The following SEMA3F variants were observed in gnomAD, a reference collection of about 807,000 sequenced individuals.
SEMA3F encodes the protein semaphorin-3F.
A neutral mutation model predicts 98.5 loss-of-function variants in SEMA3F; 30 were observed. That is an observed-to-expected ratio of 0.30 (90% CI 0.23 to 0.41). The LOEUF is 0.41. SEMA3F is among the 10% of genes least tolerant of loss of function. SEMA3F has a pLI of 1.00. For synonymous variants in SEMA3F, 380 were observed against 444.8 expected, an observed-to-expected ratio of 0.85 and a Z score of 1.83; for missense variants, 866 against 1,119.3, an observed-to-expected ratio of 0.77 and a Z score of 3.23.
At chr3:50,186,576 G>C (rs774504642) in intron 17 of SEMA3F, 37 bp from the exon 18 acceptor site, 13 of 1,572,762 alleles carry the variant, frequency 8.3e-6, no homozygotes, top group Non-Finnish European at 1.0e-5. Context: ...CTGCCCGGAG[G>C]TGATGCTGCT....
intron 2 of SEMA3F, among the ~76,000 whole-genome samples, chr3:50,169,430 C>T (rs575092641): frequency 5.9e-5 from 9 of 152,246 alleles, no homozygotes; most frequent in Admixed American, 4.6e-4. Flanking sequence ...GGAATGGCTG[C>T]GGAAATGAGG....
Position 50,182,462 on chromosome 3 carries a change from C to A in SEMA3F, c.763+59C>A. ...TGTGTCTGGGATGCGGCAAGGAGGT[C>A]GTAAAGAAGCACATGTGGGGGAAGT... On this transcript the variant is annotated intron_variant, in intron 8 of 18. Coordinates refer to ENST00000002829, the MANE Select transcript of SEMA3F (RefSeq NM_004186.5). The surrounding 1 kb of genome is among the most constrained non-coding windows in gnomAD (Gnocchi z 4.5). The A allele has an allele frequency of 6.2e-7, 1 of 1,606,368 alleles. No individual in the cohort carries two copies. Among genetic ancestry groups the A allele is most frequent in the Non-Finnish European group, 8.5e-7 (1 of 1,177,766 alleles).
chr3:50,173,828 T>G lies in SEMA3F; in HGVS notation c.148T>G (p.Phe50Val). ...KATGTAHFFN[F>V]LLNTTDYRIL... ...CACAGGCACCGCCCACTTCTTCAAC[T>G]TCCTGCTCAACACAACCGACTACCG... Residue 50 changes from phenylalanine (F) to valine (V), a missense_variant, in exon 3 of 19, where the codon TTC becomes GTC. This residue lies in a region of SEMA3F where 247 missense variants were observed against 276.0 expected (regional missense o/e 0.89). Transcript: ENST00000002829. 6.2e-7 allele frequency: 1 copy of G among 1,614,078 alleles called. No individual in the cohort carries two copies. Among genetic ancestry groups the G allele is most frequent in the Non-Finnish European group, 8.5e-7 (1 of 1,180,022 alleles).
chr3:50,165,158 T>G (rs1412418924), intron 2 of SEMA3F, among the ~76,000 whole-genome samples: 1 of 151,712 alleles, frequency 6.6e-6, no homozygotes, highest in African/African-American at 2.4e-5. Flanking sequence ...GCAGGCTTCA[T>G]GGAGGAGGCT....
rs1294166107 is a variant in SEMA3F, at chr3:50,186,330, C to G, written c.1795C>G (p.Arg599Gly). 1.2e-6 allele frequency: 2 copies of G among 1,613,848 alleles called. No homozygotes were observed. The highest frequency in any genetic ancestry group is 1.7e-6 in the Non-Finnish European group (2 of 1,179,958). The change falls in exon 17 of 19, where the codon CGT becomes GGT. Residue 599 changes from arginine to glycine, a missense_variant. By Grantham distance (125) the Arg-to-Gly change is moderately radical. Coordinates refer to ENST00000002829, the MANE Select transcript of SEMA3F (RefSeq NM_004186.5). ...GCACGGAAACCCCATCAGGCAGTGCCGTGGGTTCAACTCCAATGGTGAGTA... is the reference window on the plus strand; with the variant it reads ...GCACGGAAACCCCATCAGGCAGTGCGGTGGGTTCAACTCCAATGGTGAGTA... Reference protein sequence around the residue: ...VRHGNPIRQCRGFNSNANKNA... With the variant: ...VRHGNPIRQCGGFNSNANKNA...
chr3:50,173,530 T>C, intron 2 of SEMA3F: 1 of 458,762 alleles, frequency 2.2e-6, no homozygotes, highest in Non-Finnish European at 3.9e-6. Context: ...TAATCCCAGC[T>C]AGTCAGGAGG....
At position 50,173,979 on chromosome 3, in the gene SEMA3F, G is replaced by A. The variant is rs750224845; in HGVS notation, c.273+26G>A. 11 of 1,613,960 alleles carry A rather than the reference G, an allele frequency of 6.8e-6. No individual in the cohort carries two copies. The East Asian group carries it at 1.6e-4, about 23-fold the overall frequency. ...GTAAGGGCTGGCCCTGATGTGGGAC[G>A]TGGGGTGGGCACGGAGCCCCAGGGC... On this transcript the variant is annotated intron_variant, in intron 3 of 18. Coordinates refer to ENST00000002829, the MANE Select transcript of SEMA3F (RefSeq NM_004186.5).
rs1486629632 is a variant in SEMA3F at position 50,175,968 on chromosome 3, C to T, written c.549+780C>T. On this transcript the variant is annotated intron_variant, in intron 6 of 18. Coordinates refer to ENST00000002829, the MANE Select transcript of SEMA3F (RefSeq NM_004186.5). ...ATCGCCATCCTGCCACCTGCTGCCA[C>T]CTCCTCCTGCCTCTGTTCCTCTCTC... 5.9e-5 allele frequency among the ~76,000 whole-genome samples: 9 copies of T among 152,170 alleles called. No individual in the cohort carries two copies. In the South Asian group the frequency reaches 1.9e-3, roughly 31 times the overall value.
chr3:50,173,794 G>A lies in SEMA3F; in HGVS notation c.114G>A (p.Glu38=). ...ATPRVRLSFK[E]LKATGTAHFF... The stretch of plus-strand genomic sequence containing the variant: ...TGGTGCCCTGCCCTCCACCCACAGA[G>A]CTGAAGGCCACAGGCACCGCCCACT... Residue 38 remains glutamate (E), a splice_region_variant and synonymous_variant, in exon 3 of 19, where the codon GAG becomes GAA. Transcript: ENST00000002829. 1 of 1,613,986 alleles carries A rather than the reference G, an allele frequency of 6.2e-7. No individual in the cohort carries two copies.
chr3:50,172,780 G>C lies in SEMA3F; in HGVS notation c.113-1013G>C, dbSNP rs75992351. Reference sequence around the variant, plus strand: ...CTTCAGACCAAGTGAGGACCTTGCTGTGCACCAGCTGTGCCCTCTGCCTGG... The same window carrying C: ...CTTCAGACCAAGTGAGGACCTTGCTCTGCACCAGCTGTGCCCTCTGCCTGG... On this transcript the variant is annotated intron_variant, in intron 2 of 18. Coordinates refer to ENST00000002829, the MANE Select transcript of SEMA3F (RefSeq NM_004186.5). 4.7e-3 allele frequency among the ~76,000 whole-genome samples: 714 copies of C among 152,290 alleles called. 12 individuals are homozygous for C. In the East Asian group the frequency reaches 0.072, roughly 15 times the overall value.
intron 1 of SEMA3F, among the ~76,000 whole-genome samples, chr3:50,157,964 C>T (rs2109050240): frequency 6.6e-6 from 1 of 152,340 alleles, no homozygotes; most frequent in South Asian, 2.1e-4. Context: ...TATCTCCCAG[C>T]TCCCCTGAGC....
At chr3:50,180,456 C>T (rs1011073579) in intron 7 of SEMA3F, among the ~76,000 whole-genome samples, 1 of 152,160 alleles carries the variant, frequency 6.6e-6, no homozygotes, top group Non-Finnish European at 1.5e-5. Context: ...GCACCTGGCC[C>T]ATTTCTAGCT....
chr3:50,177,119 A>T (rs545141658), intron 7 of SEMA3F, among the ~76,000 whole-genome samples: 1 of 152,298 alleles, frequency 6.6e-6, no homozygotes, highest in East Asian at 1.9e-4. Context: ...ACCCTGAAAC[A>T]CACAATGTGG....
At chr3:50,181,091 C>G (rs547395730) in intron 7 of SEMA3F, among the ~76,000 whole-genome samples, 17 of 151,030 alleles carry the variant, frequency 1.1e-4, no homozygotes, top group African/African-American at 3.4e-4. Flanking sequence ...AGAAGAATTA[C>G]CAAACTGTGA....
intron 6 of SEMA3F, 29 bp downstream of exon 6, chr3:50,175,217 A>G (rs1306561648): frequency 1.4e-6 from 2 of 1,470,282 alleles, no homozygotes; most frequent in Non-Finnish European, 9.4e-7. Context: ...GGCCTTTGCC[A>G]GGCAGCACTG....
chr3:50,167,043 G>A (rs1445709942), intron 2 of SEMA3F, among the ~76,000 whole-genome samples: 1 of 152,092 alleles, frequency 6.6e-6, no homozygotes, highest in Non-Finnish European at 1.5e-5. Flanking sequence ...CATACTTCTT[G>A]GGGCACATTC....
rs542839951 is a variant in SEMA3F, at chr3:50,188,072, A to G, written c.2315A>G (p.Gln772Arg). 6 of 1,562,836 alleles carry G rather than the reference A, an allele frequency of 3.8e-6. No homozygotes were observed. The African/African-American group carries it at 8.2e-5, about 21-fold the overall frequency. Residue 772 changes from glutamine to arginine, a missense_variant, in exon 19 of 19, where the codon CAG becomes CGG. Transcript: ENST00000002829. The surrounding 1 kb of genome is among the most constrained non-coding windows in gnomAD (Gnocchi z 4.5). ...GAPRSPEPQDQKKPRNRRHHP... is the reference protein window; with the variant it reads ...GAPRSPEPQDRKKPRNRRHHP... ...CCCCGGTCTCCTGAGCCCCAGGACC[A>G]GAAAAAGCCCCGGAACCGCCGGCAC...
intron 2 of SEMA3F, among the ~76,000 whole-genome samples, chr3:50,172,846 C>T (rs749130840): frequency 1.5e-4 from 23 of 152,160 alleles, no homozygotes; most frequent in Non-Finnish European, 3.1e-4. Flanking sequence ...GGCTCCATGC[C>T]AGAGTCTGCC....
intron 13 of SEMA3F, 26 bp from the exon 14 acceptor site, chr3:50,185,417 C>T (rs1390163621): frequency 6.3e-7 from 1 of 1,599,798 alleles, no homozygotes; most frequent in Non-Finnish European, 8.5e-7. Context: ...CCCAGCCCCA[C>T]TGAGGCCCTG....
Sources: allele counts gnomAD v4.1 joint callset (sites outside exome capture counted in the v4.1 genomes callset), GRCh38; gene constraint gnomAD v4.1.1; regional missense constraint gnomAD v4.1.1; non-coding constraint Gnocchi (gnomAD v3.1); transcripts MANE v1.5; gene names NCBI Gene and HGNC (gene_info 2026-07-23, HGNC 2026-07-21).